The following FRMD5 variants were observed in gnomAD, a reference collection of about 807,000 sequenced individuals.
FRMD5 encodes FERM domain-containing protein 5.
A neutral mutation model predicts 69.0 loss-of-function variants in FRMD5; 20 were observed. The observed-to-expected ratio is 0.29, with a 90% CI of 0.20 to 0.42. The LOEUF is 0.42. FRMD5 is among the 10% of genes least tolerant of loss of function. The probability of loss-of-function intolerance (pLI) is 1.00; values close to 1 mark genes in which losing one functional copy is unlikely to be tolerated. For missense variants in FRMD5, 595 were observed against 708.6 expected (o/e 0.84, Z 1.82); for synonymous variants, 271 against 260.1 (o/e 1.04, Z -0.40).
intron 1 of FRMD5, among the ~76,000 whole-genome samples, chr15:44,077,950 A>G (rs1027643005): frequency 6.6e-5 from 10 of 152,148 alleles, no homozygotes; most frequent in Non-Finnish European, 1.5e-4. Flanking sequence ...ACAGCTTGTT[A>G]AAGTGGTTAA....
intron 1 of FRMD5, among the ~76,000 whole-genome samples, chr15:44,054,709 A>T (rs1595675191): frequency 6.6e-6 from 1 of 152,124 alleles, no homozygotes; most frequent in Non-Finnish European, 1.5e-5. Context: ...ACTGTGAGTG[A>T]TATGTCAGTT....
At chr15:44,058,351 G>T (rs1384256307) in intron 1 of FRMD5, among the ~76,000 whole-genome samples, 2 of 152,144 alleles carry the variant, frequency 1.3e-5, no homozygotes, top group Non-Finnish European at 2.9e-5. Flanking sequence ...GGAAGCTGGG[G>T]AACTGTGGAG....
At chr15:44,005,892 T>C (rs1890424814) in intron 1 of FRMD5, among the ~76,000 whole-genome samples, 1 of 152,130 alleles carries the variant, frequency 6.6e-6, no homozygotes. Flanking sequence ...ACCATCTCCA[T>C]AACATAAAAG....
At chr15:44,158,360 G>A (rs1158393612) in intron 1 of FRMD5, among the ~76,000 whole-genome samples, 1 of 152,138 alleles carries the variant, frequency 6.6e-6, no homozygotes, top group Non-Finnish European at 1.5e-5. Flanking sequence ...CTAGTACCTT[G>A]ACTCATTCCA....
chr15:44,148,309 T>G (rs147355461), intron 1 of FRMD5, among the ~76,000 whole-genome samples: 25 of 152,122 alleles, frequency 1.6e-4, no homozygotes, highest in African/African-American at 5.1e-4. Flanking sequence ...TCTCGCTCTG[T>G]CCCCCAGGTT....
chr15:44,108,364 G>A (rs117188161), intron 1 of FRMD5, among the ~76,000 whole-genome samples: 5,819 of 152,176 alleles, frequency 0.038, 328 homozygotes, highest in African/African-American at 0.12. Context: ...AAAAAATAAG[G>A]CCAGGCGCGG....
chr15:43,878,902 T>C (rs1441744107), intron 13 of FRMD5, among the ~76,000 whole-genome samples: 2 of 151,090 alleles, frequency 1.3e-5, no homozygotes, highest in Non-Finnish European at 2.9e-5. Context: ...AGATAATGGA[T>C]AGATAGGCAT....
chr15:43,946,377 CATAGG>C (rs1457669586), intron 1 of FRMD5, among the ~76,000 whole-genome samples: 2 of 152,292 alleles, frequency 1.3e-5, no homozygotes, highest in African/African-American at 4.8e-5. Context: ...GAGGAAATAA[CATAGG>C]CTGGAAAGGG....
chr15:43,975,684 T>C (rs981579143), intron 1 of FRMD5, among the ~76,000 whole-genome samples: 6 of 152,208 alleles, frequency 3.9e-5, no homozygotes, highest in Non-Finnish European at 8.8e-5. Flanking sequence ...ATTGTTAACA[T>C]GTCCATTCTC....
chr15:43,961,353 G>A (rs543324089), intron 1 of FRMD5, among the ~76,000 whole-genome samples: 1 of 152,272 alleles, frequency 6.6e-6, no homozygotes, highest in East Asian at 1.9e-4. Context: ...GACTAAACCA[G>A]GAAGAAGTTG....
At chr15:44,035,155 C>G (rs1168291127) in intron 1 of FRMD5, among the ~76,000 whole-genome samples, 1 of 152,180 alleles carries the variant, frequency 6.6e-6, no homozygotes, top group African/African-American at 2.4e-5. Flanking sequence ...ATCATGGTGT[C>G]ACAGGTGACT....
chr15:43,924,741 C>G (rs1029477429), intron 1 of FRMD5, among the ~76,000 whole-genome samples: 4 of 152,204 alleles, frequency 2.6e-5, no homozygotes, highest in Non-Finnish European at 5.9e-5. Context: ...CCACCACCAT[C>G]CCTCAACAGG....
At chr15:43,986,073 T>C (rs887964996) in intron 1 of FRMD5, among the ~76,000 whole-genome samples, 1 of 152,232 alleles carries the variant, frequency 6.6e-6, no homozygotes, top group Non-Finnish European at 1.5e-5. Context: ...GTTTATTAAC[T>C]GTGAGTAATT....
At chr15:44,152,935 T>C (rs1411533975) in intron 1 of FRMD5, among the ~76,000 whole-genome samples, 1 of 151,100 alleles carries the variant, frequency 6.6e-6, no homozygotes, top group South Asian at 2.1e-4. Context: ...AAAGAAGATA[T>C]ACAAATGGCC....
intron 1 of FRMD5, among the ~76,000 whole-genome samples, chr15:44,058,542 T>A (rs1248619518): frequency 1.3e-5 from 2 of 152,108 alleles, no homozygotes; most frequent in Non-Finnish European, 2.9e-5. Context: ...AGTAATGGGC[T>A]TTGGGAGGCC....
chr15:43,964,240 A>G (rs532010165), intron 1 of FRMD5, among the ~76,000 whole-genome samples: 7 of 152,150 alleles, frequency 4.6e-5, no homozygotes, highest in Non-Finnish European at 1.0e-4. Context: ...GACTCAATCA[A>G]AAGTCCTTAT....
Position 44,131,701 on chromosome 15 carries a change from T to C in FRMD5, c.102+63252A>G, listed in dbSNP as rs114915417. On this transcript the variant is annotated intron_variant, in intron 1 of 13. Transcript: ENST00000417257. ...AATAAGCCAGTCACAAAAAGAGAAA[T>C]ACTGAATAAATCCACCTATATAAGG... Among the ~76,000 whole-genome samples the C allele has an allele frequency of 8.1e-3, 969 of 119,746 alleles. 10 individuals are homozygous for C. Among genetic ancestry groups the C allele is most frequent in the African/African-American group, 0.025 (923 of 36,360 alleles). The allele number at this position is 119,746 out of a possible 152,430, so 78.6% of individuals were successfully genotyped here. A position where few individuals can be genotyped will look rare whatever the true frequency, so the allele number is the denominator to read the frequency against.
At chr15:44,160,634 A>C (rs1334358045) in intron 1 of FRMD5, among the ~76,000 whole-genome samples, 4 of 152,208 alleles carry the variant, frequency 2.6e-5, no homozygotes, top group Non-Finnish European at 5.9e-5. Context: ...GTTTAAAGCT[A>C]AATAGTATCT....
chr15:44,084,988 A>G (rs1237682006), intron 1 of FRMD5, among the ~76,000 whole-genome samples: 1 of 152,076 alleles, frequency 6.6e-6, no homozygotes, highest in Non-Finnish European at 1.5e-5. Context: ...TTACACACAA[A>G]TGACTGTGAT....
Sources: allele counts gnomAD v4.1 joint callset (sites outside exome capture counted in the v4.1 genomes callset), GRCh38; gene constraint gnomAD v4.1.1; transcripts MANE v1.5; gene names NCBI Gene and HGNC (gene_info 2026-07-23, HGNC 2026-07-21).